Variants in RICTOR observed in about 807,000 individuals in gnomAD.
The protein encoded by RICTOR is RPTOR independent companion of MTOR complex 2.
A neutral mutation model predicts 214.9 loss-of-function variants in RICTOR; 49 were observed. The ratio of observed to expected loss-of-function variants is 0.23; its 90% CI spans 0.18 to 0.29. The LOEUF (loss-of-function observed/expected upper bound fraction) is 0.29, where lower values mean the gene tolerates loss of function less well. Among genes scored for constraint, RICTOR ranks in the 10% least tolerant of loss-of-function variants. The pLI, the probability that RICTOR is intolerant of heterozygous loss-of-function variation, is 1.00. For synonymous variants in RICTOR, 717 were observed against 711.3 expected (o/e 1.01, Z -0.13); for missense variants, 1,625 against 2,047.0 (o/e 0.79, Z 3.98).
At chr5:39,025,978 G>A (rs1755789724) in intron 2 of RICTOR, among the ~76,000 whole-genome samples, 1 of 152,076 alleles carries the variant, frequency 6.6e-6, no homozygotes, top group Non-Finnish European at 1.5e-5. Flanking sequence ...TTTTATATGG[G>A]GGATAGGGTG....
At chr5:39,064,643 G>C (rs188194881) in intron 2 of RICTOR, among the ~76,000 whole-genome samples, 195 of 152,262 alleles carry the variant, frequency 1.3e-3, no homozygotes, top group Admixed American at 2.3e-3. Context: ...CCTGAGACCT[G>C]GGAGCGGGAG....
chr5:39,072,817 T>C (rs1326657574), intron 2 of RICTOR, among the ~76,000 whole-genome samples: 1 of 152,192 alleles, frequency 6.6e-6, no homozygotes, highest in Non-Finnish European at 1.5e-5. Context: ...CTCTACTATA[T>C]TGTATTATAT....
intron 2 of RICTOR, among the ~76,000 whole-genome samples, chr5:39,054,340 G>A (rs1208047226): frequency 6.6e-6 from 1 of 152,088 alleles, no homozygotes; most frequent in African/African-American, 2.4e-5. Flanking sequence ...TAGGTGGGAC[G>A]ACAGTGGCAG....
At chr5:39,001,685 A>G (rs999913999) in intron 5 of RICTOR, among the ~76,000 whole-genome samples, 8 of 152,126 alleles carry the variant, frequency 5.3e-5, no homozygotes, top group African/African-American at 1.9e-4. Context: ...GAATTCCTAC[A>G]TAACAAGAAA....
At chr5:38,954,217 G>A (rs1219479009) in intron 27 of RICTOR, among the ~76,000 whole-genome samples, 5 of 151,908 alleles carry the variant, frequency 3.3e-5, no homozygotes, top group South Asian at 2.1e-4. Flanking sequence ...TAAGAGAAAC[G>A]TTACATTTAT....
chr5:38,987,085 T>C lies in RICTOR; in HGVS notation c.583+3864A>G, dbSNP rs145580674. Among the ~76,000 whole-genome samples, 459 of 152,308 alleles carry C rather than the reference T, an allele frequency of 3.0e-3. 2 individuals are homozygous for C. Among genetic ancestry groups the C allele is most frequent in the Non-Finnish European group, 4.0e-3 (273 of 68,020 alleles). ...CCCAGGGATGTGGCCAACTTGATCG[T>C]GGTGGATAAGCTTTTTGACATGCTG... is the stretch of plus-strand genomic sequence containing the variant. On this transcript the variant is annotated intron_variant, in intron 7 of 37. Coordinates refer to ENST00000357387, the MANE Select transcript of RICTOR (RefSeq NM_152756.5).
intron 2 of RICTOR, among the ~76,000 whole-genome samples, chr5:39,029,523 C>T (rs1756108314): frequency 2.0e-5 from 3 of 152,016 alleles, no homozygotes; most frequent in Admixed American, 2.0e-4. Flanking sequence ...ATAAATAACA[C>T]AACACAAAAC....
At chr5:38,985,331 T>C (rs1426807229) in intron 7 of RICTOR, among the ~76,000 whole-genome samples, 6 of 152,210 alleles carry the variant, frequency 3.9e-5, no homozygotes, top group Non-Finnish European at 8.8e-5. Context: ...AAACCCTATG[T>C]AAATGGTTAT....
chr5:39,017,498 A>T (rs1755051574), intron 3 of RICTOR, among the ~76,000 whole-genome samples: 1 of 152,076 alleles, frequency 6.6e-6, no homozygotes, highest in Non-Finnish European at 1.5e-5. Context: ...CATACTTTTG[A>T]AAGCCCGTTC....
intron 7 of RICTOR, 148 bp downstream of exon 7, chr5:38,990,801 T>TATATCTGAG (rs1554068193): frequency 1.2e-5 from 1 of 80,902 alleles, no homozygotes. Flanking sequence ...AGATATATGA[T>TATATCTGAG]ATATATGAGA....
chr5:39,021,779 C>G (rs1208203433), intron 2 of RICTOR, among the ~76,000 whole-genome samples: 1 of 152,138 alleles, frequency 6.6e-6, no homozygotes, highest in African/African-American at 2.4e-5. Flanking sequence ...TCTCCAGTCT[C>G]AGATACTGTG....
chr5:38,980,230 T>G (rs1301531902), intron 8 of RICTOR, among the ~76,000 whole-genome samples: 2 of 152,190 alleles, frequency 1.3e-5, no homozygotes, highest in Non-Finnish European at 2.9e-5. Flanking sequence ...AGCATGTTTC[T>G]ATGGATTGTT....
In RICTOR at chr5:39,021,067, T is replaced by C; in HGVS notation, c.167A>G (p.Lys56Arg). 1.3e-6 allele frequency: 2 copies of C among 1,589,022 alleles called. No homozygotes were observed. Among genetic ancestry groups the C allele is most frequent in the South Asian group, 1.1e-5 (1 of 90,566 alleles). The change falls in exon 3 of 38, where the codon AAG (lysine) becomes AGG (arginine). Residue 56 changes from lysine to arginine, a missense_variant. Around this residue, in one of 5 missense-constraint regions of RICTOR, gnomAD observed 258 missense variants for 393.7 expected, o/e 0.66. Coordinates refer to ENST00000357387, the MANE Select transcript of RICTOR (RefSeq NM_152756.5). ...ARLQGVSNMR[K>R]LGHLNNFTKL... ...AGTAAAGTTATTCAGATGGCCTAGCTTTCTCATATTTGATACTCCCTGCAA... is the reference window on the plus strand; with the variant it reads ...AGTAAAGTTATTCAGATGGCCTAGCCTTCTCATATTTGATACTCCCTGCAA...
intron 2 of RICTOR, among the ~76,000 whole-genome samples, chr5:39,073,589 A>T (rs1234311084): frequency 1.3e-5 from 2 of 152,196 alleles, no homozygotes; most frequent in African/African-American, 4.8e-5. Flanking sequence ...CTACCAAGTT[A>T]TCAATGCTGC....
intron 15 of RICTOR, 108 bp from the exon 16 acceptor site, chr5:38,965,000 G>T: frequency 1.1e-5 from 6 of 541,982 alleles, no homozygotes; most frequent in South Asian, 3.4e-5. Context: ...CAAATTCTGA[G>T]GTTTTACTCA....
rs766319216 is a variant in RICTOR at position 38,964,799 on chromosome 5, T to G, written c.1393A>C (p.Lys465Gln). The G allele has an allele frequency of 4.5e-6, 7 of 1,561,724 alleles. No individual in the cohort carries two copies. The highest frequency in any genetic ancestry group is 2.6e-6 in the Non-Finnish European group (3 of 1,137,988). ...TAAAGCTCTGATACTTACAGTCTCT[T>G]TTCCTTGGGGATATCAAAGGATGCA... The part of the protein sequence containing the change: ...MAASFDIPKE[K>Q]RLRASAALNC... Residue 465 changes from lysine to glutamine, a missense_variant, in exon 16 of 38, where the codon AAG (lysine) becomes CAG (glutamine). Lys to Gln is a moderately conservative substitution (Grantham distance 53, BLOSUM62 1). Coordinates refer to ENST00000357387, the MANE Select transcript of RICTOR (RefSeq NM_152756.5).
rs1328165788 is a variant in RICTOR, at chr5:39,021,039, C to T, written c.195G>A (p.Lys65=). Residue 65 remains lysine (K), a splice_region_variant and synonymous_variant, in exon 3 of 38, where the codon AAG becomes AAA. Transcript: ENST00000357387. Reference sequence around the variant, plus strand: ...AATAATAAAAATTCAAGTTACTTACCTTAGTAAAGTTATTCAGATGGCCTA... The same window carrying T: ...AATAATAAAAATTCAAGTTACTTACTTTAGTAAAGTTATTCAGATGGCCTA... ...RKLGHLNNFT[K]LLCDIGHSEE... 3 of 1,455,490 alleles carry T rather than the reference C, an allele frequency of 2.1e-6. No homozygotes were observed. The highest frequency in any genetic ancestry group is 2.8e-5 in the African/African-American group (2 of 71,808). 90.2% of individuals were successfully genotyped at this position (1,455,490 alleles called of 1,614,324 possible).
In RICTOR at chr5:38,940,425, T is replaced by C. The variant is rs962837746; in HGVS notation, c.*1879A>G. 8 of 232,600 alleles carry C rather than the reference T, an allele frequency of 3.4e-5. No homozygotes were observed. Among genetic ancestry groups the C allele is most frequent in the African/African-American group, 1.3e-4 (6 of 45,296 alleles). The allele number at this position is 232,600 out of a possible 1,614,324, so 14.4% of individuals were successfully genotyped here. On this transcript the variant is annotated 3_prime_UTR_variant, in exon 38 of 38. Coordinates refer to ENST00000357387, the MANE Select transcript of RICTOR (RefSeq NM_152756.5). ...AGGTTTTAACCACTATTTGGTCTAG[T>C]AACTCTGACATTTGGTTCTCTGGAA...
intron 2 of RICTOR, among the ~76,000 whole-genome samples, chr5:39,060,069 TGTC>T (rs1328112174): frequency 1.3e-5 from 2 of 152,122 alleles, no homozygotes; most frequent in Non-Finnish European, 2.9e-5. Context: ...GATGTTATTT[TGTC>T]CATATTAGTT....
Sources: gnomAD v4.1 joint callset for allele counts (sites outside exome capture counted in the v4.1 genomes callset) on GRCh38, gnomAD v4.1.1 for gene constraint, gnomAD v4.1.1 regional missense constraint, MANE v1.5 for transcripts, NCBI Gene and HGNC (gene_info 2026-07-23, HGNC 2026-07-21) for gene names.